Variants in ATP8A2 observed in about 807,000 individuals in gnomAD.
ATP8A2 encodes the protein phospholipid-transporting ATPase IB.
ATP8A2 carries 100 observed loss-of-function variants against 165.6 expected under a neutral mutation model. That is an observed-to-expected ratio of 0.60 (90% CI 0.51 to 0.71). The LOEUF is 0.71. Among genes scored for constraint, ATP8A2 ranks in the 30% least tolerant of loss-of-function variants. The pLI, the probability that ATP8A2 is intolerant of heterozygous loss-of-function variation, is 0.00. For missense variants in ATP8A2, 1,227 were observed against 1,479.5 expected (o/e 0.83, Z 2.80); for synonymous variants, 543 against 548.8 (o/e 0.99, Z 0.15).
intron 35 of ATP8A2, among the ~76,000 whole-genome samples, chr13:26,002,414 G>A (rs548946559): frequency 4.7e-4 from 72 of 151,756 alleles, no homozygotes; most frequent in South Asian, 2.3e-3. Flanking sequence ...AGGGCCTGTC[G>A]TGGGGTGGGG....
chr13:25,874,886 CAAAA>C (rs1224684697), intron 33 of ATP8A2, among the ~76,000 whole-genome samples: 1 of 138,222 alleles, frequency 7.2e-6, no homozygotes, highest in Admixed American at 8.5e-5. Context: ...TTCAACCTCA[CAAAA>C]GAAGGAAATC....
At chr13:25,537,491 C>T (rs1365521369) in intron 6 of ATP8A2, among the ~76,000 whole-genome samples, 1 of 152,164 alleles carries the variant, frequency 6.6e-6, no homozygotes, top group Non-Finnish European at 1.5e-5. Context: ...TGTAGTCACT[C>T]TATGAAATAT....
At chr13:25,736,399 G>A (rs9634422) in intron 25 of ATP8A2, among the ~76,000 whole-genome samples, 68,747 of 151,968 alleles carry the variant, frequency 0.45, 15,845 homozygotes, top group East Asian at 0.57. Flanking sequence ...TGTGTTCCTG[G>A]GTAGGAATCA....
chr13:25,380,284 A>AAAG (rs1486836698), intron 1 of ATP8A2, among the ~76,000 whole-genome samples: 1 of 152,138 alleles, frequency 6.6e-6, no homozygotes, highest in African/African-American at 2.4e-5. Flanking sequence ...CTTGTCTAAT[A>AAAG]TTTGTCCTTT....
intron 27 of ATP8A2, among the ~76,000 whole-genome samples, 198 bp downstream of exon 27, chr13:25,775,157 C>A (rs2044713357): frequency 6.6e-6 from 1 of 152,160 alleles, no homozygotes; most frequent in South Asian, 2.1e-4. Context: ...TGCTGGATGA[C>A]CAAAGCGGGC....
intron 25 of ATP8A2, among the ~76,000 whole-genome samples, chr13:25,738,205 A>G (rs754911455): frequency 5.3e-5 from 8 of 152,232 alleles, no homozygotes; most frequent in South Asian, 2.1e-4. Context: ...TTAAACTCCA[A>G]TGTCCCCGAG....
At chr13:25,796,808 G>T (rs1374362513) in intron 27 of ATP8A2, among the ~76,000 whole-genome samples, 2 of 152,116 alleles carry the variant, frequency 1.3e-5, no homozygotes, top group Admixed American at 1.3e-4. Flanking sequence ...AGTTCCCATG[G>T]TAGTGGACCG....
chr13:25,688,548 AC>A (rs2042654950), intron 24 of ATP8A2, among the ~76,000 whole-genome samples: 1 of 152,230 alleles, frequency 6.6e-6, no homozygotes, highest in South Asian at 2.1e-4. Flanking sequence ...CACTGCCATT[AC>A]CAACTGGAGA....
chr13:25,513,952 A>C (rs1003295043), intron 2 of ATP8A2, among the ~76,000 whole-genome samples: 1 of 120,644 alleles, frequency 8.3e-6, no homozygotes, highest in Non-Finnish European at 1.7e-5. Flanking sequence ...CCGTGGAAAG[A>C]GAGGGAGAGG....
intron 25 of ATP8A2, among the ~76,000 whole-genome samples, chr13:25,752,837 A>G (rs1163898319): frequency 6.6e-6 from 1 of 152,084 alleles, no homozygotes; most frequent in Non-Finnish European, 1.5e-5. Flanking sequence ...CAGCATCTCT[A>G]TCCATGGTCT....
chr13:25,634,074 A>C (rs2041312670), intron 24 of ATP8A2, among the ~76,000 whole-genome samples: 1 of 152,210 alleles, frequency 6.6e-6, no homozygotes. Context: ...GATAGAGACA[A>C]ACAAACTTTA....
intron 27 of ATP8A2, among the ~76,000 whole-genome samples, chr13:25,812,369 T>C (rs1288735766): frequency 6.7e-6 from 1 of 148,306 alleles, no homozygotes; most frequent in Non-Finnish European, 1.5e-5. Context: ...TTCACTTCTC[T>C]TTGATGCTCT....
At chr13:25,963,129 C>T (rs1356985744) in intron 34 of ATP8A2, among the ~76,000 whole-genome samples, 1 of 152,068 alleles carries the variant, frequency 6.6e-6, no homozygotes, top group Non-Finnish European at 1.5e-5. Context: ...GGCGCAGTGG[C>T]TCACGCCTGT....
chr13:25,476,755 G>A (rs1335832415), intron 2 of ATP8A2, among the ~76,000 whole-genome samples: 1 of 152,154 alleles, frequency 6.6e-6, no homozygotes, highest in Non-Finnish European at 1.5e-5. Context: ...TTCCTTCTGG[G>A]TATGCTGCTT....
intron 24 of ATP8A2, among the ~76,000 whole-genome samples, chr13:25,652,722 T>C (rs573602533): frequency 3.3e-4 from 51 of 152,346 alleles, no homozygotes; most frequent in African/African-American, 1.2e-3. Context: ...CTGGCTCTTA[T>C]TGGTGCATAG....
chr13:25,852,298 T>TCA (rs1242596950), intron 30 of ATP8A2, among the ~76,000 whole-genome samples: 1 of 152,108 alleles, frequency 6.6e-6, no homozygotes, highest in East Asian at 1.9e-4. Context: ...CCAGAGATGC[T>TCA]ACCAAGCAGT....
chr13:25,504,117 C>T (rs979523199), intron 2 of ATP8A2, among the ~76,000 whole-genome samples: 3 of 152,212 alleles, frequency 2.0e-5, no homozygotes, highest in African/African-American at 7.2e-5. Flanking sequence ...CCCTCTGCCT[C>T]ACTCCAGTGG....
intron 33 of ATP8A2, among the ~76,000 whole-genome samples, chr13:25,900,589 G>C (rs1340924117): frequency 6.6e-6 from 1 of 152,158 alleles, no homozygotes; most frequent in African/African-American, 2.4e-5. Flanking sequence ...AAGAGTTTTG[G>C]CTAAAGGTTA....
chr13:25,744,272 A>C (rs2043979572), intron 25 of ATP8A2, among the ~76,000 whole-genome samples: 1 of 151,938 alleles, frequency 6.6e-6, no homozygotes, highest in African/African-American at 2.4e-5. Context: ...CGGCTGCTTC[A>C]CTGCTGTTGA....
Sources: gnomAD v4.1 joint callset for allele counts (sites outside exome capture counted in the v4.1 genomes callset) on GRCh38, gnomAD v4.1.1 for gene constraint, MANE v1.5 for transcripts, NCBI Gene and HGNC (gene_info 2026-07-23, HGNC 2026-07-21) for gene names.